Variants in ZMYM1 observed in about 807,000 individuals in gnomAD.
ZMYM1 encodes zinc finger MYM-type protein 1.
ZMYM1 carries 39 observed loss-of-function variants against 60.0 expected under a neutral mutation model. The observed-to-expected ratio is 0.65, with a 90% CI of 0.50 to 0.85. The LOEUF (loss-of-function observed/expected upper bound fraction) is 0.85. ZMYM1 is among the 40% of genes least tolerant of loss of function. The pLI is 0.00. For synonymous variants in ZMYM1, 413 were observed against 454.0 expected, an observed-to-expected ratio of 0.91 and a Z score of 1.15; for missense variants, 1,171 against 1,309.5, an observed-to-expected ratio of 0.89 and a Z score of 1.63.
intron 1 of ZMYM1, among the ~76,000 whole-genome samples, chr1:35,063,253 A>G (rs1324390873): frequency 6.6e-6 from 1 of 151,726 alleles, no homozygotes; most frequent in Non-Finnish European, 1.5e-5. Flanking sequence ...CAGTCTCTAG[A>G]GTAGCTGGGA....
At chr1:35,099,746 T>G (rs1050606840) in intron 4 of ZMYM1, among the ~76,000 whole-genome samples, 1 of 152,202 alleles carries the variant, frequency 6.6e-6, no homozygotes, top group Non-Finnish European at 1.5e-5. Context: ...TTATTTATTT[T>G]TGCAGAGACA....
chr1:35,073,338 A>AAAGG (rs71029062), intron 1 of ZMYM1, among the ~76,000 whole-genome samples: 21,759 of 115,520 alleles, frequency 0.19, 2,144 homozygotes, highest in Admixed American at 0.3. Context: ...AGAAAGAAAG[A>AAAGG]AAGGAAGGAA....
chr1:35,063,479 T>A (rs1641911635), intron 1 of ZMYM1, among the ~76,000 whole-genome samples: 1 of 152,082 alleles, frequency 6.6e-6, no homozygotes, highest in Admixed American at 6.6e-5. Flanking sequence ...TTTTTAAATT[T>A]TTTTTAGAGA....
chr1:35,075,690 C>T (rs992846462), upstream of ZMYM1, among the ~76,000 whole-genome samples: 6 of 152,120 alleles, frequency 3.9e-5, no homozygotes, highest in African/African-American at 1.4e-4. Context: ...ATATATACAC[C>T]AATTCCAAAT....
At chr1:35,085,171 C>A (rs138250743) in intron 1 of ZMYM1, among the ~76,000 whole-genome samples, 1 of 151,932 alleles carries the variant, frequency 6.6e-6, no homozygotes, top group African/African-American at 2.4e-5. Context: ...CCTCAGCCTC[C>A]GAAGTAGCTG....
downstream of ZMYM1, among the ~76,000 whole-genome samples, chr1:35,117,000 T>C (rs542489779): frequency 0.015 from 2,233 of 150,702 alleles, 50 homozygotes; most frequent in African/African-American, 0.049. Context: ...CCCGCCACTG[T>C]GCCCGGCTAA....
chr1:35,109,225 G>C (rs946973449), intron 6 of ZMYM1, among the ~76,000 whole-genome samples: 4 of 151,836 alleles, frequency 2.6e-5, no homozygotes, highest in Non-Finnish European at 5.9e-5. Flanking sequence ...TAGAGATGAG[G>C]TATCACTATT....
At position 35,094,046 on chromosome 1, in the gene ZMYM1, T is replaced by A. The variant is rs777734482; in HGVS notation, c.59T>A (p.Leu20Gln). The A allele has an allele frequency of 2.5e-6, 4 of 1,611,050 alleles. No individual in the cohort carries two copies. In the African/African-American group the frequency reaches 5.3e-5, roughly 22 times the overall value. ...CDKAVASQLG[L>Q]LDEIKTEPDN... Reference sequence around the variant, plus strand: ...AAGGCAGTGGCATCACAGCTGGGGCTGCTAGATGAAATTAAGACAGAACCC... The same window carrying A: ...AAGGCAGTGGCATCACAGCTGGGGCAGCTAGATGAAATTAAGACAGAACCC... Residue 20 changes from leucine (L) to glutamine (Q), a missense_variant, in exon 2 of 10, where the codon CTG becomes CAG. Coordinates refer to ENST00000359858, the MANE Select transcript of ZMYM1 (RefSeq NM_024772.5).
At position 35,099,777 on chromosome 1, in the gene ZMYM1, C is replaced by G. The variant is rs185642179; in HGVS notation, c.419+2211C>G. Among the ~76,000 whole-genome samples, 658 of 152,282 alleles carry G rather than the reference C, an allele frequency of 4.3e-3. 5 individuals are homozygous for G. Among genetic ancestry groups the G allele is most frequent in the Admixed American group, 0.011 (164 of 15,294 alleles). On this transcript the variant is annotated intron_variant, in intron 4 of 9. Transcript: ENST00000359858. Reference sequence around the variant, plus strand: ...AGACAGAGTCACTATGTTTCCCAGGCTGATCTTAAACTCCTGAGTTCAAGT... The same window carrying G: ...AGACAGAGTCACTATGTTTCCCAGGGTGATCTTAAACTCCTGAGTTCAAGT...
intron 1 of ZMYM1, among the ~76,000 whole-genome samples, chr1:35,060,177 T>G (rs1641846162): frequency 7.1e-6 from 1 of 141,232 alleles, no homozygotes; most frequent in African/African-American, 3.0e-5. Flanking sequence ...ATTATTATTA[T>G]TATTATTTTG....
chr1:35,110,152 A>T, intron 6 of ZMYM1, 142 bp from the exon 7 acceptor site: 1 of 518,390 alleles, frequency 1.9e-6, no homozygotes, highest in East Asian at 3.6e-5. Flanking sequence ...TGCAATCTGT[A>T]GTGTCTTTTT....
At chr1:35,100,374 C>T (rs1221860514) in intron 4 of ZMYM1, among the ~76,000 whole-genome samples, 1 of 151,734 alleles carries the variant, frequency 6.6e-6, no homozygotes, top group East Asian at 2.0e-4. Context: ...GTAATCCCAG[C>T]ACTTTGGGAG....
At chr1:35,117,662 C>G (rs971241275), downstream of ZMYM1, among the ~76,000 whole-genome samples, 1 of 151,954 alleles carries the variant, frequency 6.6e-6, no homozygotes, top group African/African-American at 2.4e-5. Context: ...GAAAACAGGC[C>G]TGGCGCAGTG....
At chr1:35,097,295 T>TC (rs1643386958) in intron 3 of ZMYM1, 22 bp from the exon 4 acceptor site, 1 of 1,550,386 alleles carries the variant, frequency 6.5e-7, no homozygotes, top group African/African-American at 1.4e-5. Context: ...AATTTTTTTT[T>TC]CTCCCTCTTG....
intron 1 of ZMYM1, among the ~76,000 whole-genome samples, chr1:35,063,615 C>G (rs1017720199): frequency 2.0e-5 from 3 of 152,054 alleles, no homozygotes; most frequent in Admixed American, 2.0e-4. Context: ...TATCTAAATT[C>G]TATCGTCCGG....
chr1:35,088,215 C>T (rs560644588), intron 1 of ZMYM1, among the ~76,000 whole-genome samples: 117 of 151,818 alleles, frequency 7.7e-4, no homozygotes, highest in Non-Finnish European at 1.3e-3. Context: ...GTCAGGTGAT[C>T]GAGACCATCC....
At chr1:35,083,821 C>G (rs1642516326) in intron 1 of ZMYM1, among the ~76,000 whole-genome samples, 1 of 152,062 alleles carries the variant, frequency 6.6e-6, no homozygotes, top group Admixed American at 6.6e-5. Flanking sequence ...GAGGGTCTCA[C>G]TATGTCACCC....
Position 35,113,173 on chromosome 1 carries a change from A to C in ZMYM1, c.1343A>C (p.Lys448Thr), listed in dbSNP as rs1372267313. The C allele has an allele frequency of 1.9e-6, 3 of 1,613,788 alleles. No individual in the cohort carries two copies. The South Asian group carries it at 3.3e-5, about 18-fold the overall frequency. The change falls in exon 10 of 10, where the codon AAA (lysine) becomes ACA (threonine). Residue 448 changes from lysine to threonine, a missense_variant. Coordinates refer to ENST00000359858, the MANE Select transcript of ZMYM1 (RefSeq NM_024772.5). ...CCAAAATGTACATCCAAAGTACAAA[A>C]AGTTAAAGGTAAATCACGAAGTATT... Reference protein sequence around the residue: ...CHPKCTSKVQKVKGKSRSIKK... With the variant: ...CHPKCTSKVQTVKGKSRSIKK...
At chr1:35,065,707 G>A (rs949971618) in intron 1 of ZMYM1, among the ~76,000 whole-genome samples, 6 of 150,748 alleles carry the variant, frequency 4.0e-5, no homozygotes, top group African/African-American at 1.5e-4. Flanking sequence ...AGGAAATAAA[G>A]AGCAGAAATC....
Sources: gnomAD v4.1 joint callset for allele counts (sites outside exome capture counted in the v4.1 genomes callset) on GRCh38, gnomAD v4.1.1 for gene constraint, MANE v1.5 for transcripts, NCBI Gene and HGNC (gene_info 2026-07-23, HGNC 2026-07-21) for gene names.